The following ZKSCAN4 variants were observed in gnomAD, a reference collection of about 807,000 sequenced individuals.
The protein encoded by ZKSCAN4 is zinc finger with KRAB and SCAN domains 4, also known as zinc finger protein with KRAB and SCAN domains 4.
In ZKSCAN4, 23 loss-of-function variants were observed where a neutral mutation model predicts 30.8. The observed-to-expected ratio is 0.75, with a 90% CI of 0.54 to 1.06. The LOEUF (loss-of-function observed/expected upper bound fraction) is 1.06, where lower values mean the gene tolerates loss of function less well. ZKSCAN4 is among the 50% of genes least tolerant of loss of function. The pLI, the probability that ZKSCAN4 is intolerant of heterozygous loss-of-function variation, is 0.00. For synonymous variants in ZKSCAN4, 208 were observed against 252.5 expected, an observed-to-expected ratio of 0.82 and a Z score of 1.67; for missense variants, 556 against 665.4, an observed-to-expected ratio of 0.84 and a Z score of 1.81.
chr6:28,250,074 T>C (rs1036569577), intron 1 of ZKSCAN4, among the ~76,000 whole-genome samples: 1 of 151,562 alleles, frequency 6.6e-6, no homozygotes, highest in Non-Finnish European at 1.5e-5. Context: ...TTTTTTTGTT[T>C]TTTTTTTTTT....
intron 3 of ZKSCAN4, among the ~76,000 whole-genome samples, chr6:28,247,398 C>G (rs1760783531): frequency 6.6e-6 from 1 of 152,070 alleles, no homozygotes; most frequent in Admixed American, 6.5e-5. Flanking sequence ...AAAAGATTTG[C>G]AGTATGCTTT....
rs571426388 is a variant in ZKSCAN4 at position 28,244,836 on chromosome 6, G to T, written c.*280C>A. Reference sequence around the variant, plus strand: ...AGTGCTGGCTGAGGGCAATTAACAAGTCCAGAAGGCCATTTAAATACACTG... The same window carrying T: ...AGTGCTGGCTGAGGGCAATTAACAATTCCAGAAGGCCATTTAAATACACTG... On this transcript the variant is annotated 3_prime_UTR_variant, in exon 5 of 5. Coordinates refer to ENST00000377294, the MANE Select transcript of ZKSCAN4 (RefSeq NM_019110.5). 7 of 451,824 alleles carry T rather than the reference G, an allele frequency of 1.5e-5. No individual in the cohort carries two copies. The Admixed American group carries it at 2.4e-4, about 15-fold the overall frequency. The allele number at this position is 451,824 out of a possible 1,614,324, so 28.0% of individuals were successfully genotyped here.
chr6:28,251,960 T>C lies in ZKSCAN4; in HGVS notation c.21A>G (p.Lys7=). ...CAGACTGGGCGTCCAGGGCTGCGTT[T>C]TTTCTCGGTTCTCTAGCCATTCTGA... MAREPR[K]NAALDAQSAE... Residue 7 remains lysine (K), a synonymous_variant, in exon 1 of 5, where the codon AAA becomes AAG. Transcript: ENST00000377294. This position sits in a 1 kb window ranked among gnomAD's most constrained non-coding sequence, Gnocchi z 4.5. 1 of 1,520,348 alleles carries C rather than the reference T, an allele frequency of 6.6e-7. No individual in the cohort carries two copies. The highest frequency in any genetic ancestry group is 8.8e-7 in the Non-Finnish European group (1 of 1,138,572). 94.2% of individuals were successfully genotyped at this position (1,520,348 alleles called of 1,614,324 possible).
At position 28,245,361 on chromosome 6, in the gene ZKSCAN4, C is replaced by A. The variant is rs763156155; in HGVS notation, c.1393G>T (p.Gly465Trp). 2 of 1,614,214 alleles carry A rather than the reference C, an allele frequency of 1.2e-6. No homozygotes were observed. Among genetic ancestry groups the A allele is most frequent in the Non-Finnish European group, 1.7e-6 (2 of 1,180,036 alleles). ...GDKNVQNPEH[G>W]ESWESQGRTE... ...CTACCCTGACTTTCCCAGGACTCCC[C>A]GTGCTCAGGATTCTGAACATTTTTA... Residue 465 changes from glycine (G) to tryptophan (W), a missense_variant, in exon 5 of 5, where the codon GGG (glycine) becomes TGG (tryptophan). This residue lies in a region of ZKSCAN4 where 433 missense variants were observed against 511.5 expected (regional missense o/e 0.85). Coordinates refer to ENST00000377294, the MANE Select transcript of ZKSCAN4 (RefSeq NM_019110.5).
intron 4 of ZKSCAN4, 87 bp from the exon 5 acceptor site, chr6:28,246,062 C>T (rs751419835): frequency 2.6e-6 from 4 of 1,563,680 alleles, no homozygotes; most frequent in Non-Finnish European, 2.6e-6. Context: ...ACAAGAATTA[C>T]AGAAGTCTAT....
rs150233092 is a variant in ZKSCAN4, at chr6:28,245,220, C to G, written c.1534G>C (p.Glu512Gln). The stretch of plus-strand genomic sequence containing the variant: ...CATGTGTCACACTGATAGGGTTTCT[C>G]ACCAGTGTGGATTTTCTGATGTTCA... Reference protein sequence around the residue: ...LIEHQKIHTGEKPYQCDTCGK... With the variant: ...LIEHQKIHTGQKPYQCDTCGK... The change falls in exon 5 of 5, where the codon GAG becomes CAG. Residue 512 changes from glutamate (E) to glutamine (Q), a missense_variant. Glu to Gln is a conservative substitution (Grantham distance 29). This residue lies in a region of ZKSCAN4 where 433 missense variants were observed against 511.5 expected (regional missense o/e 0.85). Transcript: ENST00000377294. 5 of 1,614,068 alleles carry G rather than the reference C, an allele frequency of 3.1e-6. No individual in the cohort carries two copies. The African/African-American group carries it at 5.3e-5, about 17-fold the overall frequency.
chr6:28,249,540 T>G lies in ZKSCAN4; in HGVS notation c.571+147A>C, dbSNP rs1760894626. 1.1e-6 allele frequency: 1 copy of G among 941,688 alleles called. No individual in the cohort carries two copies. Among genetic ancestry groups the G allele is most frequent in the Non-Finnish European group, 1.5e-6 (1 of 669,038 alleles). The allele number at this position is 941,688 out of a possible 1,614,324, so 58.3% of individuals were successfully genotyped here. A position where few individuals can be genotyped will look rare whatever the true frequency, so the allele number is the denominator to read the frequency against. ...TTTGGTTAGGAAAGTTTTTCACCAT[T>G]GTTTGAAATTTCTCTTAGTCTCAGT... On this transcript the variant is annotated intron_variant, in intron 2 of 4. Coordinates refer to ENST00000377294, the MANE Select transcript of ZKSCAN4 (RefSeq NM_019110.5). The surrounding 1 kb of genome is among the most constrained non-coding windows in gnomAD (Gnocchi z 4.1).
chr6:28,245,450 T>G lies in ZKSCAN4; in HGVS notation c.1304A>C (p.Asn435Thr), dbSNP rs775267422. 1 of 1,614,236 alleles carries G rather than the reference T, an allele frequency of 6.2e-7. No individual in the cohort carries two copies. The highest frequency in any genetic ancestry group is 8.5e-7 in the Non-Finnish European group (1 of 1,180,048). Residue 435 changes from asparagine to threonine, a missense_variant, in exon 5 of 5, where the codon AAT becomes ACT. Asn to Thr is a moderately conservative substitution (Grantham distance 65). Transcript: ENST00000377294. ...IHTGEKPYQC[N>T]MCGKAFRRNS... ...CCGCCTAAAGGCTTTGCCACACATA[T>G]TGCACTGGTATGGCTTCTCCCCAGT...
upstream of ZKSCAN4, among the ~76,000 whole-genome samples, chr6:28,254,364 C>T (rs1175747232): frequency 6.6e-6 from 1 of 152,178 alleles, no homozygotes. Flanking sequence ...CCTTCTGAGT[C>T]ACTTGGTCAT....
At position 28,245,944 on chromosome 6, in the gene ZKSCAN4, C is replaced by T; in HGVS notation, c.810G>A (p.Leu270=). 1 of 1,614,192 alleles carries T rather than the reference C, an allele frequency of 6.2e-7. No individual in the cohort carries two copies. The highest frequency in any genetic ancestry group is 8.5e-7 in the Non-Finnish European group (1 of 1,180,042). The change falls in exon 5 of 5, where the codon TTG becomes TTA. Residue 270 remains leucine (L), a synonymous_variant. Coordinates refer to ENST00000377294, the MANE Select transcript of ZKSCAN4 (RefSeq NM_019110.5). The stretch of plus-strand genomic sequence containing the variant: ...TTTCTGGAAGCTTCTTGACTGGAGG[C>T]AAGTCCCTGCTCTTAGTCTGTATTT... ...GGEIQTKSRD[L]PPVKKLPEKE...
chr6:28,247,979 G>T (rs1228734565), intron 3 of ZKSCAN4, 88 bp downstream of exon 3: 1 of 865,506 alleles, frequency 1.2e-6, no homozygotes, highest in South Asian at 1.8e-5. Context: ...TAGGGGTGGG[G>T]TAGGACTGGG....
In ZKSCAN4 at chr6:28,251,526, C is replaced by T. The variant is rs551673108; in HGVS notation, c.423+32G>A. 16 of 1,614,220 alleles carry T rather than the reference C, an allele frequency of 9.9e-6. No individual in the cohort carries two copies. The African/African-American group carries it at 2.0e-4, about 20-fold the overall frequency. ...TGGGATTTCAGGAGGAAACAGACCA[C>T]AGCGCTCAGATACTAAACCTGTTCT... is the stretch of plus-strand genomic sequence containing the variant. On this transcript the variant is annotated intron_variant, in intron 1 of 4. Transcript: ENST00000377294. This position sits in a 1 kb window ranked among gnomAD's most constrained non-coding sequence, Gnocchi z 4.5.
Position 28,242,464 on chromosome 6 carries a change from T to C in ZKSCAN4, c.*2652A>G, listed in dbSNP as rs1385796580. Among the ~76,000 whole-genome samples the C allele has an allele frequency of 6.6e-6, 1 of 152,240 alleles. No homozygotes were observed. The highest frequency in any genetic ancestry group is 2.4e-5 in the African/African-American group (1 of 41,470). Reference sequence around the variant, plus strand: ...AATATCATGGCTCCCCAGTGCTTACTGAATAAAATTTAAACTTTTTGCTCT... The same window carrying C: ...AATATCATGGCTCCCCAGTGCTTACCGAATAAAATTTAAACTTTTTGCTCT... On this transcript the variant is annotated 3_prime_UTR_variant, in exon 5 of 5. Transcript: ENST00000377294.
At chr6:28,247,969 T>C (rs1280951744) in intron 3 of ZKSCAN4, 98 bp downstream of exon 3, 18 of 731,730 alleles carry the variant, frequency 2.5e-5, no homozygotes, top group Non-Finnish European at 3.5e-5. Context: ...AGATCTAGGA[T>C]AGGGGTGGGG....
In ZKSCAN4 at chr6:28,245,055, G is replaced by C. The variant is rs1760639279; in HGVS notation, c.*61C>G. The stretch of plus-strand genomic sequence containing the variant: ...TCCACAATTTCTGTAACCATTAAGG[G>C]CTCCAGGGTGGCTTCAGTTCAGTGA... On this transcript the variant is annotated 3_prime_UTR_variant, in exon 5 of 5. Transcript: ENST00000377294. The C allele has an allele frequency of 6.2e-7, 1 of 1,608,408 alleles. No individual in the cohort carries two copies. Among genetic ancestry groups the C allele is most frequent in the Non-Finnish European group, 8.5e-7 (1 of 1,175,448 alleles).
upstream of ZKSCAN4, among the ~76,000 whole-genome samples, chr6:28,252,879 G>C (rs1761069316): frequency 6.6e-6 from 1 of 152,048 alleles, no homozygotes; most frequent in African/African-American, 2.4e-5. Flanking sequence ...AAACTCTCTA[G>C]TCTCTGGCTT....
At position 28,241,896 on chromosome 6, in the gene ZKSCAN4, T is replaced by C. The variant is rs1760511781; in HGVS notation, c.*3220A>G. Among the ~76,000 whole-genome samples the C allele has an allele frequency of 1.3e-5, 2 of 151,936 alleles. No individual in the cohort carries two copies. Among genetic ancestry groups the C allele is most frequent in the Admixed American group, 6.6e-5 (1 of 15,216 alleles). ...AAGTTGTCATTCCTACCTTTTTTTT[T>C]CTCTCACTAAAGGAAGAGGCAGAGA... On this transcript the variant is annotated 3_prime_UTR_variant, in exon 5 of 5. Coordinates refer to ENST00000377294, the MANE Select transcript of ZKSCAN4 (RefSeq NM_019110.5).
upstream of ZKSCAN4, among the ~76,000 whole-genome samples, chr6:28,253,588 C>G (rs1274896316): frequency 6.6e-6 from 1 of 152,228 alleles, no homozygotes. The surrounding 1 kb of genome is among the most constrained non-coding windows in gnomAD (Gnocchi z 4.2). Context: ...TTTTCACACT[C>G]TGTGTCACAC....
chr6:28,248,629 G>A (rs1052944456), intron 2 of ZKSCAN4, among the ~76,000 whole-genome samples: 3 of 151,818 alleles, frequency 2.0e-5, no homozygotes, highest in Non-Finnish European at 2.9e-5. Flanking sequence ...CGGAATTCGA[G>A]ACCATCCTGG....
Sources: allele counts gnomAD v4.1 joint callset (sites outside exome capture counted in the v4.1 genomes callset), GRCh38; gene constraint gnomAD v4.1.1; regional missense constraint gnomAD v4.1.1; non-coding constraint Gnocchi (gnomAD v3.1); transcripts MANE v1.5; gene names NCBI Gene and HGNC (gene_info 2026-07-23, HGNC 2026-07-21).